TMEM25: variants seen among roughly 807,000 people sequenced by gnomAD.
TMEM25 encodes the protein transmembrane protein 25.
A neutral mutation model predicts 37.0 loss-of-function variants in TMEM25; 36 were observed. The ratio of observed to expected loss-of-function variants is 0.97; its 90% confidence interval spans 0.75 to 1.28. The LOEUF (loss-of-function observed/expected upper bound fraction) is 1.28. Among genes scored for constraint, TMEM25 ranks in the 50% most tolerant of loss-of-function variants. The pLI is 0.00. For missense variants in TMEM25, 444 were observed against 477.9 expected, an observed-to-expected ratio of 0.93 and a Z score of 0.66; for synonymous variants, 197 against 203.7, an observed-to-expected ratio of 0.97 and a Z score of 0.28.
At position 118,535,394 on chromosome 11, in the gene TMEM25, A is replaced by AG; in HGVS notation, c.*818dup. The AG allele has an allele frequency of 7.0e-7, 1 of 1,427,288 alleles. No homozygotes were observed. The allele number at this position is 1,427,288 out of a possible 1,614,324, so 88.4% of individuals were successfully genotyped here. On this transcript the variant is annotated 3_prime_UTR_variant, in exon 9 of 9. Transcript: ENST00000313236. ...CGTTAGCACTTTAAGCACATCCCCTAGGGGAGGGGGTGAGTGAGGGGCCCA... is the reference window on the plus strand; with the variant it reads ...CGTTAGCACTTTAAGCACATCCCCTAGGGGGAGGGGGTGAGTGAGGGGCCCA...
rs782520145 is a variant in TMEM25, at chr11:118,533,103, T to A, written c.569T>A (p.Leu190His). Reference protein sequence around the residue: ...LVLDAQNYPWLTNHTVQLQLR... With the variant: ...LVLDAQNYPWHTNHTVQLQLR... Reference sequence around the variant, plus strand: ...CTGGATGCGCAGAACTACCCCTGGCTCACCAACCACACGGTGCAGCTGCAG... The same window carrying A: ...CTGGATGCGCAGAACTACCCCTGGCACACCAACCACACGGTGCAGCTGCAG... Residue 190 changes from leucine (L) to histidine (H), a missense_variant, in exon 4 of 9, where the codon CTC (leucine) becomes CAC (histidine). Physicochemically the swap from Leu to His is moderately conservative, Grantham distance 99. Transcript: ENST00000313236. The A allele has an allele frequency of 8.1e-6, 13 of 1,613,420 alleles. No homozygotes were observed. In the South Asian group the frequency reaches 1.4e-4, roughly 18 times the overall value.
chr11:118,539,797 G>C (rs1288238689), downstream of TMEM25, among the ~76,000 whole-genome samples: 1 of 151,926 alleles, frequency 6.6e-6, no homozygotes, highest in Non-Finnish European at 1.5e-5. Context: ...GAGGTGGGCA[G>C]ATCACTTGAG....
At chr11:118,532,799 C>T in intron 3 of TMEM25, 118 bp from the exon 4 acceptor site, 1 of 1,411,206 alleles carries the variant, frequency 7.1e-7, no homozygotes, top group Non-Finnish European at 9.5e-7. Context: ...CCATCCTGTT[C>T]CTCAGCATCC....
intron 8 of TMEM25, chr11:118,544,672 C>T: frequency 2.3e-6 from 1 of 435,324 alleles, no homozygotes; most frequent in Non-Finnish European, 4.1e-6. Flanking sequence ...AATTCCAATT[C>T]TTATAACTCA....
chr11:118,536,488 C>T (rs1429684668), downstream of TMEM25, among the ~76,000 whole-genome samples: 2 of 152,172 alleles, frequency 1.3e-5, no homozygotes, highest in African/African-American at 2.4e-5. Flanking sequence ...CCACACTGCG[C>T]CCGGCCTAAT....
rs989872254 is a variant in TMEM25 at position 118,534,396 on chromosome 11, C to A, written c.1027+41C>A. On this transcript the variant is annotated intron_variant, in intron 8 of 8. Transcript: ENST00000313236. This position sits in a 1 kb window ranked among gnomAD's most constrained non-coding sequence, Gnocchi z 4.6. ...CCTGCCACCCTCCTCCTCTGCCCCCCAGCCCTGTGCTTATGCCAGAGGCCT... is the reference window on the plus strand; with the variant it reads ...CCTGCCACCCTCCTCCTCTGCCCCCAAGCCCTGTGCTTATGCCAGAGGCCT... The A allele has an allele frequency of 6.2e-7, 1 of 1,611,288 alleles. No homozygotes were observed.
chr11:118,544,742 G>A (rs535408373), intron 8 of TMEM25: 1 of 592,050 alleles, frequency 1.7e-6, no homozygotes, highest in African/African-American at 1.9e-5. Context: ...AGGCAGGCAG[G>A]TTCATTAAAC....
Position 118,531,794 on chromosome 11 carries a change from G to C in TMEM25, c.-8G>C, listed in dbSNP as rs980597178. The C allele has an allele frequency of 3.9e-6, 6 of 1,550,016 alleles. No individual in the cohort carries two copies. The highest frequency in any genetic ancestry group is 1.2e-5 in the South Asian group (1 of 83,978). ...TCTCAGCAGCCTAGGGCCTAGGCCC[G>C]GGCCACCATGGCGCTGCCTCCAGGC... On this transcript the variant is annotated 5_prime_UTR_variant, in exon 2 of 9. Transcript: ENST00000313236.
At chr11:118,544,850 G>A (rs139719866) in intron 8 of TMEM25, 96 of 1,148,358 alleles carry the variant, frequency 8.4e-5, no homozygotes, top group African/African-American at 7.0e-4. Flanking sequence ...AGCTGACAAC[G>A]ATCTGTCCAT....
At chr11:118,542,365 G>A (rs944624964) in intron 8 of TMEM25, among the ~76,000 whole-genome samples, 7 of 152,138 alleles carry the variant, frequency 4.6e-5, no homozygotes, top group African/African-American at 1.7e-4. Context: ...CAGAGCCCTC[G>A]TGACCCAAAC....
In TMEM25 at chr11:118,535,553, T is replaced by C; in HGVS notation, c.*973T>C. ...ACCCCAGCCCTGACCAACCCATGGT[T>C]GCCTCATCAGCAGGAAGGTGCCCTT... On this transcript the variant is annotated 3_prime_UTR_variant, in exon 9 of 9. Transcript: ENST00000313236. 6.5e-7 allele frequency: 1 copy of C among 1,535,896 alleles called. No homozygotes were observed. The highest frequency in any genetic ancestry group is 8.7e-7 in the Non-Finnish European group (1 of 1,146,776).
intron 8 of TMEM25, among the ~76,000 whole-genome samples, chr11:118,544,301 G>A (rs1555066424): frequency 1.3e-5 from 2 of 152,196 alleles, no homozygotes; most frequent in East Asian, 3.9e-4. Context: ...ACAGCCTCAG[G>A]AAGGCGGCAT....
Position 118,535,170 on chromosome 11 carries a change from C to T in TMEM25, c.*590C>T, listed in dbSNP as rs1159076082. The T allele has an allele frequency of 1.9e-6, 2 of 1,051,676 alleles. No homozygotes were observed. The highest frequency in any genetic ancestry group is 2.3e-6 in the Non-Finnish European group (2 of 873,226). 65.1% of individuals were successfully genotyped at this position (1,051,676 alleles called of 1,614,324 possible). On this transcript the variant is annotated 3_prime_UTR_variant, in exon 9 of 9. Transcript: ENST00000313236. ...TTTTGCTGCACACGTCTCTGCCCTTCACTTCTTCTCTTCTGTCCCCACCTC... is the reference window on the plus strand; with the variant it reads ...TTTTGCTGCACACGTCTCTGCCCTTTACTTCTTCTCTTCTGTCCCCACCTC...
chr11:118,531,224 G>T lies in TMEM25; in HGVS notation c.-38G>T, dbSNP rs1325671020. 2.5e-5 allele frequency: 11 copies of T among 437,296 alleles called. No homozygotes were observed. The highest frequency in any genetic ancestry group is 4.5e-5 in the Non-Finnish European group (11 of 244,000). The allele number at this position is 437,296 out of a possible 1,614,324, so 27.1% of individuals were successfully genotyped here. A position where few individuals can be genotyped will look rare whatever the true frequency, so the allele number is the denominator to read the frequency against. ...AGCAGTTGCTCCGGCGGCGCTCGGG[G>T]AGGGAGCCAGGTGAGCCGCCCCGGT... is the stretch of plus-strand genomic sequence containing the variant. On this transcript the variant is annotated 5_prime_UTR_variant, in exon 1 of 9. Transcript: ENST00000313236.
intron 8 of TMEM25, chr11:118,545,628 G>T: frequency 9.4e-7 from 1 of 1,062,378 alleles, no homozygotes; most frequent in Non-Finnish European, 1.4e-6. Context: ...CCAGCAGGTA[G>T]TCACATAAGC....
chr11:118,542,308 C>A (rs1951588848), intron 8 of TMEM25, among the ~76,000 whole-genome samples: 1 of 152,150 alleles, frequency 6.6e-6, no homozygotes, highest in South Asian at 2.1e-4. Context: ...GCCGCCAATG[C>A]ATTTAATACC....
chr11:118,542,464 G>A (rs1204032686), intron 8 of TMEM25, among the ~76,000 whole-genome samples: 1 of 152,102 alleles, frequency 6.6e-6, no homozygotes, highest in African/African-American at 2.4e-5. Flanking sequence ...GCAAACAATA[G>A]CAAATCATAA....
chr11:118,541,780 C>G (rs1424064461), intron 8 of TMEM25, among the ~76,000 whole-genome samples: 1 of 151,946 alleles, frequency 6.6e-6, no homozygotes, highest in Non-Finnish European at 1.5e-5. Context: ...TGTTTTAAGA[C>G]AGGGTCTCAT....
chr11:118,533,387 C>T (rs782509358), intron 4 of TMEM25, 33 bp from the exon 5 acceptor site: 2 of 1,612,026 alleles, frequency 1.2e-6, no homozygotes, highest in African/African-American at 1.3e-5. Context: ...GGGCACTACC[C>T]ACTTGGGACC....
Sources: allele counts gnomAD v4.1 joint callset (sites outside exome capture counted in the v4.1 genomes callset), GRCh38; gene constraint gnomAD v4.1.1; non-coding constraint Gnocchi (gnomAD v3.1); transcripts MANE v1.5; gene names NCBI Gene and HGNC (gene_info 2026-07-23, HGNC 2026-07-21).